RARB: variants seen among roughly 807,000 people sequenced by gnomAD.
The protein encoded by RARB is retinoic acid receptor beta.
RARB carries 17 observed loss-of-function variants against 51.9 expected under a neutral mutation model. That is an observed-to-expected ratio of 0.33 (90% CI 0.22 to 0.49). The LOEUF is 0.49. RARB is among the 20% of genes least tolerant of loss of function. The pLI is 0.99. For missense variants in RARB, 369 were observed against 550.8 expected (o/e 0.67, Z 3.30); for synonymous variants, 215 against 195.4 (o/e 1.10, Z -0.84).
chr3:25,591,463 A>G (rs1701611589), intron 5 of RARB, among the ~76,000 whole-genome samples: 2 of 152,314 alleles, frequency 1.3e-5, no homozygotes, highest in East Asian at 3.9e-4. Flanking sequence ...TCTAGGTTTG[A>G]CTATTGGCGT....
intron 3 of RARB, among the ~76,000 whole-genome samples, chr3:25,083,383 A>C (rs1015753110): frequency 1.3e-5 from 2 of 151,984 alleles, no homozygotes; most frequent in African/African-American, 2.4e-5. Flanking sequence ...GCTTCCTGTC[A>C]TTCTTCAACC....
chr3:25,007,979 G>A (rs1697312173), intron 2 of RARB, among the ~76,000 whole-genome samples: 1 of 152,088 alleles, frequency 6.6e-6, no homozygotes. Flanking sequence ...CAAGGTGGTT[G>A]TGGGTATGTT....
chr3:25,287,712 C>G (rs1026115753), intron 5 of RARB, among the ~76,000 whole-genome samples: 1 of 152,108 alleles, frequency 6.6e-6, no homozygotes, highest in Non-Finnish European at 1.5e-5. Context: ...GGGAAAGTGG[C>G]CTAATCAAAT....
At chr3:25,229,255 T>C (rs188560613) in intron 5 of RARB, among the ~76,000 whole-genome samples, 9 of 152,296 alleles carry the variant, frequency 5.9e-5, no homozygotes, top group African/African-American at 2.2e-4. Flanking sequence ...ATATTTTCTA[T>C]TCTATTTTTT....
chr3:24,902,505 G>A (rs1041810191), intron 2 of RARB, among the ~76,000 whole-genome samples: 8 of 152,110 alleles, frequency 5.3e-5, no homozygotes, highest in Admixed American at 3.9e-4. Flanking sequence ...GACATGTTCT[G>A]TTGGGGACAA....
At chr3:25,406,329 G>T (rs1269246406) in intron 5 of RARB, among the ~76,000 whole-genome samples, 1 of 152,186 alleles carries the variant, frequency 6.6e-6, no homozygotes, top group African/African-American at 2.4e-5. Flanking sequence ...GATTGTATTT[G>T]TCTGCTCAGG....
intron 3 of RARB, among the ~76,000 whole-genome samples, chr3:25,118,194 G>A (rs188478861): frequency 4.6e-5 from 7 of 152,222 alleles, no homozygotes; most frequent in Admixed American, 1.3e-4. Context: ...CATCATAAAC[G>A]CAGTGATAAC....
At chr3:25,323,348 A>G (rs924304800) in intron 5 of RARB, among the ~76,000 whole-genome samples, 1 of 152,220 alleles carries the variant, frequency 6.6e-6, no homozygotes, top group South Asian at 2.1e-4. Flanking sequence ...TGCTGTGGTC[A>G]TTATTAAAGA....
intron 5 of RARB, among the ~76,000 whole-genome samples, chr3:25,213,517 T>C (rs1701748089): frequency 6.6e-6 from 1 of 152,194 alleles, no homozygotes; most frequent in Admixed American, 6.5e-5. Flanking sequence ...AATAAGGCAC[T>C]CTGAGCATCC....
chr3:25,014,254 T>G (rs553782886), intron 2 of RARB, among the ~76,000 whole-genome samples: 27 of 152,166 alleles, frequency 1.8e-4, no homozygotes, highest in African/African-American at 6.0e-4. Flanking sequence ...ATGGCTGGTC[T>G]TTTGCATTGT....
At chr3:25,393,285 T>C (rs1484099397) in intron 5 of RARB, among the ~76,000 whole-genome samples, 1 of 152,022 alleles carries the variant, frequency 6.6e-6, no homozygotes, top group Non-Finnish European at 1.5e-5. Flanking sequence ...TTGGATTCAG[T>C]TAGCTAGTAT....
intron 5 of RARB, among the ~76,000 whole-genome samples, chr3:25,257,591 A>G (rs1470177607): frequency 6.6e-6 from 1 of 152,050 alleles, no homozygotes; most frequent in Non-Finnish European, 1.5e-5. Context: ...CAGTTTCATC[A>G]GGAGATCTGT....
intron 2 of RARB, among the ~76,000 whole-genome samples, chr3:25,473,185 TTTGTTG>T (rs757268331): frequency 3.3e-5 from 5 of 152,124 alleles, no homozygotes; most frequent in Non-Finnish European, 5.9e-5. Flanking sequence ...ACTATGTCTT[TTTGTTG>T]TTGTTGTTGT....
chr3:24,911,635 A>G (rs1694991105), intron 2 of RARB, among the ~76,000 whole-genome samples: 1 of 152,146 alleles, frequency 6.6e-6, no homozygotes, highest in African/African-American at 2.4e-5. Context: ...TTCTCCACGG[A>G]TGGTATCAGA....
chr3:25,176,322 T>TTTCTTTCTTTCC (rs1559493125), intron 5 of RARB, among the ~76,000 whole-genome samples: 2 of 41,676 alleles, frequency 4.8e-5, no homozygotes, highest in African/African-American at 1.5e-4. Flanking sequence ...TCTTTCTTTC[T>TTTCTTTCTTTCC]TTCTTTCTTT....
intron 3 of RARB, among the ~76,000 whole-genome samples, chr3:25,104,225 C>T (rs1018949123): frequency 2.6e-5 from 4 of 152,138 alleles, no homozygotes; most frequent in Non-Finnish European, 5.9e-5. Context: ...CGGACAATAC[C>T]AAGTTTTCAC....
At chr3:25,455,732 C>G (rs1694875194) in intron 1 of RARB, among the ~76,000 whole-genome samples, 1 of 152,168 alleles carries the variant, frequency 6.6e-6, no homozygotes, top group Admixed American at 6.5e-5. Flanking sequence ...ACCCGAGTAG[C>G]AGAAGTTCCT....
At chr3:25,482,318 C>G (rs1696262289) in intron 2 of RARB, among the ~76,000 whole-genome samples, 1 of 152,088 alleles carries the variant, frequency 6.6e-6, no homozygotes, top group Non-Finnish European at 1.5e-5. Context: ...CCTGATGACA[C>G]TCATGTAGGA....
chr3:25,251,925 C>A (rs1165213496), intron 5 of RARB, among the ~76,000 whole-genome samples: 2 of 151,992 alleles, frequency 1.3e-5, no homozygotes, highest in Non-Finnish European at 2.9e-5. Context: ...TTTAGGAAAT[C>A]ATTGCCTAAC....
Sources: gnomAD v4.1 joint callset for allele counts (sites outside exome capture counted in the v4.1 genomes callset) on GRCh38, gnomAD v4.1.1 for gene constraint, MANE v1.5 for transcripts, NCBI Gene and HGNC (gene_info 2026-07-23, HGNC 2026-07-21) for gene names.